Variants in LSAMP observed in about 807,000 individuals in gnomAD.
LSAMP encodes limbic system-associated membrane protein.
A neutral mutation model predicts 38.6 loss-of-function variants in LSAMP; 7 were observed. The ratio of observed to expected loss-of-function variants is 0.18; its 90% CI spans 0.10 to 0.34. LSAMP has a LOEUF of 0.34. Among genes scored for constraint, LSAMP ranks in the 10% least tolerant of loss-of-function variants. The pLI, the probability that LSAMP is intolerant of heterozygous loss-of-function variation, is 1.00. For missense variants in LSAMP, 313 were observed against 420.0 expected, an observed-to-expected ratio of 0.75 and a Z score of 2.23; for synonymous variants, 154 against 166.8, an observed-to-expected ratio of 0.92 and a Z score of 0.59.
chr3:115,845,338 A>G (rs35051267), intron 4 of LSAMP, among the ~76,000 whole-genome samples: 24,431 of 152,158 alleles, frequency 0.16, 2,411 homozygotes, highest in Non-Finnish European at 0.23. Flanking sequence ...TGTTTGTTCA[A>G]TTTCCCAATT....
At chr3:116,382,779 A>C (rs757782212) in intron 1 of LSAMP, among the ~76,000 whole-genome samples, 1 of 152,132 alleles carries the variant, frequency 6.6e-6, no homozygotes, top group Non-Finnish European at 1.5e-5. Context: ...TACATGTTAC[A>C]GCTTTTGTCT....
chr3:116,025,012 G>T (rs1278360718), intron 2 of LSAMP, among the ~76,000 whole-genome samples: 1 of 151,760 alleles, frequency 6.6e-6, no homozygotes, highest in African/African-American at 2.4e-5. Flanking sequence ...TAATTCTCAG[G>T]AGAAATGACT....
chr3:116,217,736 TTAAG>T (rs1173490436), intron 1 of LSAMP, among the ~76,000 whole-genome samples: 18 of 152,192 alleles, frequency 1.2e-4, no homozygotes, highest in Admixed American at 2.0e-4. Flanking sequence ...ATTTGAAAAA[TTAAG>T]TAATTTGCCC....
intron 3 of LSAMP, among the ~76,000 whole-genome samples, chr3:115,909,770 G>T (rs2107502151): frequency 6.6e-6 from 1 of 152,274 alleles, no homozygotes; most frequent in Admixed American, 6.5e-5. Flanking sequence ...TGCTCTCTCA[G>T]TTTTGGGTGG....
intron 3 of LSAMP, among the ~76,000 whole-genome samples, chr3:116,001,139 G>A (rs934160438): frequency 6.6e-5 from 10 of 151,910 alleles, no homozygotes; most frequent in South Asian, 4.2e-4. Flanking sequence ...TGATTACCCC[G>A]AGGCAGTGCA....
chr3:116,439,378 G>T (rs1576226900), intron 1 of LSAMP, among the ~76,000 whole-genome samples: 2 of 142,218 alleles, frequency 1.4e-5, no homozygotes, highest in South Asian at 4.6e-4. Flanking sequence ...GATCACACTT[G>T]TAGTATCCTG....
intron 1 of LSAMP, among the ~76,000 whole-genome samples, chr3:116,354,179 T>C (rs2048187755): frequency 6.6e-6 from 1 of 152,182 alleles, no homozygotes; most frequent in Non-Finnish European, 1.5e-5. Context: ...TACCCAGATC[T>C]GACTTTAACT....
intron 1 of LSAMP, among the ~76,000 whole-genome samples, chr3:116,197,161 A>ACACACT (rs771498153): frequency 2.0e-5 from 3 of 150,026 alleles, no homozygotes; most frequent in African/African-American, 7.5e-5. Flanking sequence ...ACACACACAC[A>ACACACT]CACTCTCTCT....
At chr3:116,008,413 T>A (rs1940228017) in intron 3 of LSAMP, among the ~76,000 whole-genome samples, 1 of 152,210 alleles carries the variant, frequency 6.6e-6, no homozygotes, top group Non-Finnish European at 1.5e-5. Context: ...ACTAGTTTCA[T>A]ATTCATTATC....
chr3:115,940,596 G>A (rs1937886744), intron 3 of LSAMP, among the ~76,000 whole-genome samples: 1 of 152,114 alleles, frequency 6.6e-6, no homozygotes, highest in African/African-American at 2.4e-5. Flanking sequence ...TATGATATAA[G>A]GCAAGGGTCC....
At chr3:116,236,975 CAT>C (rs1318911751) in intron 1 of LSAMP, among the ~76,000 whole-genome samples, 2 of 15,522 alleles carry the variant, frequency 1.3e-4, no homozygotes, top group Non-Finnish European at 4.0e-4. Context: ...CATATATATA[CAT>C]ATATACACAT....
intron 1 of LSAMP, among the ~76,000 whole-genome samples, chr3:116,373,747 A>G (rs2107794231): frequency 6.6e-6 from 1 of 152,000 alleles, no homozygotes; most frequent in African/African-American, 2.4e-5. Flanking sequence ...GGAACTGAAT[A>G]ATTTTATTTG....
chr3:116,319,320 A>G (rs759922028), intron 1 of LSAMP, among the ~76,000 whole-genome samples: 6 of 152,168 alleles, frequency 3.9e-5, no homozygotes, highest in Non-Finnish European at 2.9e-5. Flanking sequence ...GCTGTGTTGG[A>G]GTGATTAGTT....
intron 1 of LSAMP, among the ~76,000 whole-genome samples, chr3:116,221,373 G>A (rs944943128): frequency 2.6e-5 from 4 of 152,116 alleles, no homozygotes; most frequent in Non-Finnish European, 5.9e-5. Flanking sequence ...GGCAAGTGGT[G>A]AACCAAGAAC....
At chr3:116,435,182 G>T (rs1465381261) in intron 1 of LSAMP, among the ~76,000 whole-genome samples, 1 of 152,136 alleles carries the variant, frequency 6.6e-6, no homozygotes, top group Non-Finnish European at 1.5e-5. Context: ...TCATCCCTGG[G>T]TTACTATAGC....
intron 1 of LSAMP, among the ~76,000 whole-genome samples, chr3:116,325,835 T>A (rs1027917734): frequency 5.3e-5 from 8 of 152,122 alleles, no homozygotes; most frequent in Non-Finnish European, 1.0e-4. Context: ...GAACAGCATC[T>A]CTATTTTGAT....
intron 2 of LSAMP, among the ~76,000 whole-genome samples, chr3:116,057,967 A>ACACACCCACC (rs1553699985): frequency 6.8e-6 from 1 of 147,652 alleles, no homozygotes; most frequent in African/African-American, 2.5e-5. Flanking sequence ...CCACACACAC[A>ACACACCCACC]CACACACACA....
chr3:115,939,893 G>C (rs1267678118), intron 3 of LSAMP, among the ~76,000 whole-genome samples: 1 of 151,988 alleles, frequency 6.6e-6, no homozygotes, highest in African/African-American at 2.4e-5. Context: ...GGTTCCTTCT[G>C]GTGGGTTCTT....
intron 1 of LSAMP, among the ~76,000 whole-genome samples, chr3:116,256,099 C>A (rs546878668): frequency 6.6e-6 from 1 of 151,974 alleles, no homozygotes; most frequent in African/African-American, 2.4e-5. Flanking sequence ...TTTGTCAAGT[C>A]GAGTTGTTAA....
Sources: gnomAD v4.1 joint callset for allele counts (sites outside exome capture counted in the v4.1 genomes callset) on GRCh38, gnomAD v4.1.1 for gene constraint, MANE v1.5 for transcripts, NCBI Gene and HGNC (gene_info 2026-07-23, HGNC 2026-07-21) for gene names.